Variants in SSH2 observed in about 807,000 individuals in gnomAD.
SSH2 encodes protein phosphatase Slingshot homolog 2.
Under a neutral mutation model 135.2 loss-of-function variants are expected in SSH2, and 37 were observed. The observed-to-expected ratio is 0.27, with a 90% CI of 0.21 to 0.36. The LOEUF (loss-of-function observed/expected upper bound fraction) is 0.36, where lower values mean the gene tolerates loss of function less well. SSH2 is among the 10% of genes least tolerant of loss of function. SSH2 has a pLI of 1.00. For missense variants in SSH2, 1,408 were observed against 1,765.3 expected, an observed-to-expected ratio of 0.80 and a Z score of 3.63; for synonymous variants, 628 against 646.2, an observed-to-expected ratio of 0.97 and a Z score of 0.43.
intron 15 of SSH2, among the ~76,000 whole-genome samples, chr17:29,635,576 T>C: frequency 6.6e-6 from 1 of 151,444 alleles, no homozygotes; most frequent in African/African-American, 2.4e-5. Context: ...CCTGGCTAAT[T>C]TTTTGTATTT....
intron 1 of SSH2, among the ~76,000 whole-genome samples, chr17:29,900,479 G>C (rs547838593): frequency 6.6e-6 from 1 of 152,316 alleles, no homozygotes; most frequent in South Asian, 2.1e-4. Flanking sequence ...GATATGAACA[G>C]ATACTTCTCA....
intron 3 of SSH2, among the ~76,000 whole-genome samples, chr17:29,729,803 T>G (rs2040119392): frequency 6.6e-6 from 1 of 151,994 alleles, no homozygotes; most frequent in South Asian, 2.1e-4. Flanking sequence ...ACTTCACATA[T>G]TCTCACTTAT....
At chr17:29,882,612 C>T (rs1284250333) in intron 1 of SSH2, among the ~76,000 whole-genome samples, 2 of 152,118 alleles carry the variant, frequency 1.3e-5, no homozygotes, top group Non-Finnish European at 1.5e-5. Context: ...ATTAGCTGGG[C>T]GCAGTGGCGG....
Position 29,650,704 on chromosome 17 carries a change from C to G in SSH2, c.1176G>C (p.Thr392=). 6.2e-7 allele frequency: 1 copy of G among 1,613,928 alleles called. No individual in the cohort carries two copies. The highest frequency in any genetic ancestry group is 8.5e-7 in the Non-Finnish European group (1 of 1,179,936). Residue 392 remains threonine, a synonymous_variant, in exon 13 of 16, where the codon ACG becomes ACC. Coordinates refer to ENST00000540801, the MANE Select transcript of SSH2 (RefSeq NM_001282129.2). The part of the protein sequence containing the change: ...HNIRVYDEEA[T]DLLAYWNDTY... ...TGTCATTCCAGTACGCCAGGAGATC[C>G]GTTGCCTCTTCATCATATACCCGAA... is the stretch of plus-strand genomic sequence containing the variant.
intron 1 of SSH2, among the ~76,000 whole-genome samples, chr17:29,857,983 CTGTT>C (rs1434207253): frequency 2.0e-5 from 3 of 152,212 alleles, no homozygotes; most frequent in South Asian, 2.1e-4. Context: ...GAATCATACA[CTGTT>C]TGTCTTTGAC....
At chr17:29,755,915 C>A (rs1235750730) in intron 3 of SSH2, among the ~76,000 whole-genome samples, 4 of 146,804 alleles carry the variant, frequency 2.7e-5, no homozygotes, top group African/African-American at 9.9e-5. Flanking sequence ...CCCGCCTCGG[C>A]CTCCCAAAGT....
At chr17:29,814,039 A>G (rs1599035301) in intron 2 of SSH2, among the ~76,000 whole-genome samples, 1 of 139,958 alleles carries the variant, frequency 7.1e-6, no homozygotes, top group East Asian at 2.2e-4. Flanking sequence ...CTGAGGCAGG[A>G]GAATGGCGTG....
chr17:29,854,457 T>C (rs1164105451), intron 1 of SSH2, among the ~76,000 whole-genome samples: 4 of 151,756 alleles, frequency 2.6e-5, no homozygotes, highest in Admixed American at 2.6e-4. Context: ...AGATTGTTGG[T>C]AAGAAAAACA....
intron 2 of SSH2, among the ~76,000 whole-genome samples, chr17:29,840,115 T>C (rs2043014203): frequency 6.6e-6 from 1 of 152,190 alleles, no homozygotes; most frequent in Non-Finnish European, 1.5e-5. Context: ...CAACTCCTCC[T>C]GTTTTGCTTG....
chr17:29,731,708 G>A (rs1438605636), intron 3 of SSH2, among the ~76,000 whole-genome samples: 2 of 151,962 alleles, frequency 1.3e-5, no homozygotes, highest in Non-Finnish European at 2.9e-5. Context: ...TGTCCACCTG[G>A]GCCTCCCAAA....
At chr17:29,819,721 T>TA (rs1170307700) in intron 2 of SSH2, among the ~76,000 whole-genome samples, 1 of 152,244 alleles carries the variant, frequency 6.6e-6, no homozygotes, top group African/African-American at 2.4e-5. Flanking sequence ...TATAAAGTGA[T>TA]AATTTCCAAT....
rs1194598854 is a variant in SSH2, at chr17:29,877,595, A to G, written c.64-28666T>C. ...AACAACATGAATGAAACTGGAGGTC[A>G]TTACTTTAAGTGAAATAAGCCAGGC... On this transcript the variant is annotated intron_variant, in intron 1 of 15. Transcript: ENST00000540801. Among the ~76,000 whole-genome samples the G allele has an allele frequency of 2.0e-5, 3 of 152,208 alleles. No homozygotes were observed. In the East Asian group the frequency reaches 5.8e-4, roughly 29 times the overall value.
intron 1 of SSH2, among the ~76,000 whole-genome samples, chr17:29,862,672 A>C (rs1305021987): frequency 6.6e-6 from 1 of 152,196 alleles, no homozygotes; most frequent in Non-Finnish European, 1.5e-5. Flanking sequence ...AGTGGCTAAG[A>C]GAGTCAAGAT....
chr17:29,674,455 G>C (rs183051308), intron 8 of SSH2, among the ~76,000 whole-genome samples: 94 of 152,232 alleles, frequency 6.2e-4, no homozygotes, highest in Middle Eastern at 3.4e-3. Flanking sequence ...AGAGTCTGGT[G>C]CAACGGTCCT....
intron 3 of SSH2, among the ~76,000 whole-genome samples, chr17:29,712,917 G>T (rs944624001): frequency 6.6e-6 from 1 of 152,238 alleles, no homozygotes; most frequent in Non-Finnish European, 1.5e-5. Flanking sequence ...TAGCAGTAGG[G>T]CTGGGCTTAA....
chr17:29,753,418 A>G (rs896841656), intron 3 of SSH2, among the ~76,000 whole-genome samples: 15 of 151,966 alleles, frequency 9.9e-5, no homozygotes, highest in Non-Finnish European at 5.9e-5. Context: ...GGTGTGAGCC[A>G]CTGCGCCCGG....
At chr17:29,810,391 T>C (rs1366297794) in intron 2 of SSH2, among the ~76,000 whole-genome samples, 2 of 152,220 alleles carry the variant, frequency 1.3e-5, no homozygotes, top group Non-Finnish European at 2.9e-5. Flanking sequence ...CTTTTAGAAG[T>C]GGGTTCTATT....
rs1179791331 is a variant in SSH2, at chr17:29,628,375, A to T, written c.*2466T>A. The T allele has an allele frequency of 6.6e-6, 1 of 152,168 alleles. No individual in the cohort carries two copies. Among genetic ancestry groups the T allele is most frequent in the Non-Finnish European group, 1.5e-5 (1 of 68,038 alleles). The allele number at this position is 152,168 out of a possible 1,614,324, so 9.4% of individuals were successfully genotyped here. ...TTTGTCCCATCTTTGTTGTTATTTA[A>T]TGCAGTGAGTGAACATTAAACACAG... On this transcript the variant is annotated 3_prime_UTR_variant, in exon 16 of 16. Coordinates refer to ENST00000540801, the MANE Select transcript of SSH2 (RefSeq NM_001282129.2).
At chr17:29,860,220 C>A (rs1322010949) in intron 1 of SSH2, among the ~76,000 whole-genome samples, 1 of 152,118 alleles carries the variant, frequency 6.6e-6, no homozygotes, top group East Asian at 1.9e-4. Flanking sequence ...TACACTCCCA[C>A]TAACAGTGTA....
Sources: gnomAD v4.1 joint callset for allele counts (sites outside exome capture counted in the v4.1 genomes callset) on GRCh38, gnomAD v4.1.1 for gene constraint, MANE v1.5 for transcripts, NCBI Gene and HGNC (gene_info 2026-07-23, HGNC 2026-07-21) for gene names.